Variants in LRP1B observed in about 807,000 individuals in gnomAD.
LRP1B encodes the protein LDL receptor related protein 1B.
A neutral mutation model predicts 556.6 loss-of-function variants in LRP1B; 217 were observed. The observed-to-expected ratio is 0.39, with a 90% CI of 0.35 to 0.44. The LOEUF (loss-of-function observed/expected upper bound fraction) is 0.44. Among genes scored for constraint, LRP1B ranks in the 20% least tolerant of loss-of-function variants. LRP1B has a pLI of 1.00. For synonymous variants in LRP1B, 2,047 were observed against 1,865.8 expected, an observed-to-expected ratio of 1.10 and a Z score of -2.50; for missense variants, 5,053 against 5,620.8, an observed-to-expected ratio of 0.90 and a Z score of 3.23.
intron 1 of LRP1B, among the ~76,000 whole-genome samples, chr2:141,911,962 T>C (rs1270224166): frequency 6.6e-6 from 1 of 152,174 alleles, no homozygotes; most frequent in East Asian, 1.9e-4. Flanking sequence ...CACAAATTTA[T>C]TAGCAATTGT....
intron 1 of LRP1B, among the ~76,000 whole-genome samples, chr2:141,838,823 T>A (rs1697375013): frequency 6.6e-6 from 1 of 152,196 alleles, no homozygotes; most frequent in Non-Finnish European, 1.5e-5. Context: ...GAAAATTGAT[T>A]ATGAGATTTG....
At chr2:141,074,569 GTC>G (rs368177753) in intron 7 of LRP1B, among the ~76,000 whole-genome samples, 5,141 of 136,258 alleles carry the variant, frequency 0.038, 152 homozygotes, top group Middle Eastern at 0.12. Flanking sequence ...CTGTCTCTCT[GTC>G]TCTCTCTCTC....
At chr2:141,272,797 A>G (rs1045921956) in intron 3 of LRP1B, among the ~76,000 whole-genome samples, 2 of 152,214 alleles carry the variant, frequency 1.3e-5, no homozygotes, top group African/African-American at 4.8e-5. Context: ...GCACCAAAAA[A>G]ATAGACTCAC....
intron 1 of LRP1B, among the ~76,000 whole-genome samples, chr2:141,833,764 G>GT (rs1697180323): frequency 1.3e-5 from 2 of 151,752 alleles, no homozygotes; most frequent in South Asian, 4.2e-4. Flanking sequence ...TAAATTGATG[G>GT]TTGTTTTATT....
intron 2 of LRP1B, among the ~76,000 whole-genome samples, chr2:141,481,481 C>T (rs945250402): frequency 6.6e-5 from 10 of 152,250 alleles, no homozygotes; most frequent in African/African-American, 2.4e-4. Flanking sequence ...TATAGTCCGA[C>T]ACACTTAGGT....
At chr2:140,723,290 T>A (rs949091250) in intron 35 of LRP1B, among the ~76,000 whole-genome samples, 1 of 152,130 alleles carries the variant, frequency 6.6e-6, no homozygotes, top group African/African-American at 2.4e-5. Context: ...CACAACTCTG[T>A]TAAAAATAAT....
intron 2 of LRP1B, among the ~76,000 whole-genome samples, chr2:141,548,761 G>A (rs1685642060): frequency 6.6e-6 from 1 of 152,092 alleles, no homozygotes; most frequent in Admixed American, 6.6e-5. Context: ...CCTGCTTAAT[G>A]ACAGTGCATA....
chr2:142,109,058 T>C (rs1368672630), intron 1 of LRP1B, among the ~76,000 whole-genome samples: 5 of 152,210 alleles, frequency 3.3e-5, no homozygotes, highest in African/African-American at 1.2e-4. Context: ...ACAGGAATTA[T>C]GCTTATCCAA....
chr2:141,886,642 T>C (rs1454536020), intron 1 of LRP1B, among the ~76,000 whole-genome samples: 1 of 152,188 alleles, frequency 6.6e-6, no homozygotes, highest in Admixed American at 6.5e-5. Context: ...GCCAAATATA[T>C]ATATCTGAAC....
In LRP1B at chr2:141,962,648, T is replaced by A. The variant is rs1701434611; in HGVS notation, c.83-152247A>T. On this transcript the variant is annotated intron_variant, in intron 1 of 90. Coordinates refer to ENST00000389484, the MANE Select transcript of LRP1B (RefSeq NM_018557.3). ...GAAAAGCCCAATACATTTGTACTTCTATAAAAAGAGTATGGCGAGAGACTC... is the reference window on the plus strand; with the variant it reads ...GAAAAGCCCAATACATTTGTACTTCAATAAAAAGAGTATGGCGAGAGACTC... 3.3e-5 allele frequency among the ~76,000 whole-genome samples: 5 copies of A among 151,904 alleles called. No individual in the cohort carries two copies. The South Asian group carries it at 1.0e-3, about 31-fold the overall frequency.
At chr2:140,871,580 T>C (rs1693130333) in intron 25 of LRP1B, among the ~76,000 whole-genome samples, 2 of 152,132 alleles carry the variant, frequency 1.3e-5, no homozygotes, top group Non-Finnish European at 2.9e-5. Flanking sequence ...ATAGAATTTC[T>C]TTCAAACAAT....
Position 140,700,718 on chromosome 2 carries a change from T to C in LRP1B, c.6428-97A>G. 4 of 1,257,904 alleles carry C rather than the reference T, an allele frequency of 3.2e-6. No individual in the cohort carries two copies. In the South Asian group the frequency reaches 5.6e-5, roughly 18 times the overall value. The allele number at this position is 1,257,904 out of a possible 1,614,324, so 77.9% of individuals were successfully genotyped here. On this transcript the variant is annotated intron_variant, in intron 40 of 90. Transcript: ENST00000389484. ...TAAAGAAATATTAAAACTTTGATGT[T>C]GAATATTCTCTTTTTGCTCTTAATT...
chr2:141,273,334 C>G (rs1685160095), intron 3 of LRP1B, among the ~76,000 whole-genome samples: 2 of 151,584 alleles, frequency 1.3e-5, no homozygotes. Context: ...GAAAAACGTA[C>G]TACAAATCTA....
intron 41 of LRP1B, among the ~76,000 whole-genome samples, chr2:140,608,552 T>C (rs1682953720): frequency 6.6e-6 from 1 of 152,236 alleles, no homozygotes; most frequent in South Asian, 2.1e-4. Context: ...GTAAAACACA[T>C]GATTTTCCCA....
In LRP1B at chr2:141,449,702, A is replaced by G. The variant is rs187678797; in HGVS notation, c.343+30694T>C. 2.6e-3 allele frequency among the ~76,000 whole-genome samples: 396 copies of G among 152,344 alleles called. 1 individual carries two copies. Among genetic ancestry groups the G allele is most frequent in the Middle Eastern group, 0.02 (6 of 294 alleles). ...CACATACATAGAATCATTTTTGGTC[A>G]AAAACATATTTTGTTTCAAGTTAAG... is the stretch of plus-strand genomic sequence containing the variant. On this transcript the variant is annotated intron_variant, in intron 3 of 90. Coordinates refer to ENST00000389484, the MANE Select transcript of LRP1B (RefSeq NM_018557.3).
intron 41 of LRP1B, among the ~76,000 whole-genome samples, chr2:140,676,237 C>T (rs1300570042): frequency 1.3e-5 from 2 of 152,088 alleles, no homozygotes; most frequent in African/African-American, 2.4e-5. Context: ...TTGCTTCCTA[C>T]AGCACGTAAT....
intron 1 of LRP1B, among the ~76,000 whole-genome samples, chr2:141,832,324 C>CTG (rs1697138723): frequency 1.2e-5 from 1 of 85,208 alleles, no homozygotes; most frequent in African/African-American, 5.2e-5. Flanking sequence ...ATCTCTTTCT[C>CTG]TCTCACACAC....
chr2:140,569,648 T>C (rs1681249489), intron 43 of LRP1B, among the ~76,000 whole-genome samples: 1 of 151,866 alleles, frequency 6.6e-6, no homozygotes, highest in Admixed American at 6.6e-5. Context: ...AGATAGACAT[T>C]CAATAAGGAA....
At chr2:141,916,385 G>C (rs1213051539) in intron 1 of LRP1B, among the ~76,000 whole-genome samples, 1 of 23,252 alleles carries the variant, frequency 4.3e-5, no homozygotes, top group Non-Finnish European at 9.5e-5. Flanking sequence ...ATTTATTTGA[G>C]ACGGAGTCTC....
Sources: gnomAD v4.1 joint callset for allele counts (sites outside exome capture counted in the v4.1 genomes callset) on GRCh38, gnomAD v4.1.1 for gene constraint, MANE v1.5 for transcripts, NCBI Gene and HGNC (gene_info 2026-07-23, HGNC 2026-07-21) for gene names.